Variants in MACROD2 observed in about 807,000 individuals in gnomAD.
The protein encoded by MACROD2 is mono-ADP ribosylhydrolase 2, also known as ADP-ribose glycohydrolase MACROD2.
MACROD2 carries 36 observed loss-of-function variants against 70.4 expected under a neutral mutation model. The ratio of observed to expected loss-of-function variants is 0.51; its 90% CI spans 0.39 to 0.68. The LOEUF (loss-of-function observed/expected upper bound fraction) is 0.68. MACROD2 is among the 30% of genes least tolerant of loss of function. The pLI, the probability that MACROD2 is intolerant of heterozygous loss-of-function variation, is 0.00. For synonymous variants in MACROD2, 172 were observed against 178.8 expected (o/e 0.96, Z 0.30); for missense variants, 496 against 538.4 (o/e 0.92, Z 0.78).
chr20:15,776,656 CT>C (rs2051727089), intron 8 of MACROD2, among the ~76,000 whole-genome samples: 1 of 152,170 alleles, frequency 6.6e-6, no homozygotes, highest in Non-Finnish European at 1.5e-5. Context: ...CAAGAGTGGT[CT>C]CTTTGTAAAC....
chr20:14,380,409 A>G (rs2083410382), intron 3 of MACROD2, among the ~76,000 whole-genome samples: 1 of 151,918 alleles, frequency 6.6e-6, no homozygotes, highest in South Asian at 2.1e-4. Flanking sequence ...AGAGTTTTTA[A>G]TTTTGATGAT....
intron 7 of MACROD2, among the ~76,000 whole-genome samples, chr20:15,465,579 G>A (rs1372097324): frequency 3.3e-5 from 5 of 152,242 alleles, no homozygotes; most frequent in African/African-American, 7.2e-5. Context: ...TGAGGGGAGC[G>A]CCAGCTCAGG....
intron 5 of MACROD2, among the ~76,000 whole-genome samples, chr20:15,163,762 G>A (rs2076364086): frequency 2.0e-5 from 3 of 151,458 alleles, no homozygotes; most frequent in African/African-American, 7.3e-5. Context: ...GAAACCACAT[G>A]TGGTCCACAA....
chr20:14,253,436 G>T (rs7263144), intron 3 of MACROD2, among the ~76,000 whole-genome samples: 55,795 of 151,738 alleles, frequency 0.37, 11,907 homozygotes, highest in African/African-American at 0.56. Context: ...TTTTATCTTC[G>T]CTAAGATATG....
intron 6 of MACROD2, among the ~76,000 whole-genome samples, chr20:15,406,419 C>G (rs1052458230): frequency 5.3e-5 from 8 of 152,122 alleles, no homozygotes; most frequent in Non-Finnish European, 1.0e-4. Flanking sequence ...CACTGACCTT[C>G]TTTAATATGA....
At chr20:15,646,441 C>T (rs534122994) in intron 8 of MACROD2, among the ~76,000 whole-genome samples, 3 of 152,222 alleles carry the variant, frequency 2.0e-5, no homozygotes, top group African/African-American at 4.8e-5. Context: ...TCCTTTAATC[C>T]TTAAAACAAT....
intron 5 of MACROD2, among the ~76,000 whole-genome samples, chr20:15,131,983 G>C (rs995886920): frequency 6.6e-6 from 1 of 151,722 alleles, no homozygotes; most frequent in African/African-American, 2.4e-5. Context: ...CTATATACAA[G>C]AAATAATTCT....
At chr20:15,063,271 A>G (rs1473275229) in intron 5 of MACROD2, among the ~76,000 whole-genome samples, 1 of 108,536 alleles carries the variant, frequency 9.2e-6, no homozygotes, top group African/African-American at 2.6e-5. Context: ...GCTGTCAAGA[A>G]AAAACAAATT....
chr20:14,327,978 T>C (rs2082765944), intron 3 of MACROD2, among the ~76,000 whole-genome samples: 1 of 152,062 alleles, frequency 6.6e-6, no homozygotes, highest in Admixed American at 6.6e-5. Flanking sequence ...GTAATCATTT[T>C]ACTGTTATCA....
intron 5 of MACROD2, among the ~76,000 whole-genome samples, chr20:15,020,999 T>A (rs1406464685): frequency 6.7e-6 from 1 of 148,182 alleles, no homozygotes; most frequent in African/African-American, 2.5e-5. Flanking sequence ...TATATGTATA[T>A]GCATACACAT....
intron 5 of MACROD2, among the ~76,000 whole-genome samples, chr20:15,052,828 G>T (rs1224348232): frequency 1.3e-5 from 2 of 152,316 alleles, no homozygotes; most frequent in Non-Finnish European, 2.9e-5. Flanking sequence ...CAAATGCTAG[G>T]CCTCTTGTGC....
rs150543038 is a variant in MACROD2, at chr20:14,183,828, A to G, written c.271+98100A>G. Among the ~76,000 whole-genome samples the G allele has an allele frequency of 3.9e-3, 600 of 152,228 alleles. 7 individuals are homozygous for G. The highest frequency in any genetic ancestry group is 0.014 in the African/African-American group (569 of 41,534). On this transcript the variant is annotated intron_variant, in intron 3 of 17. Coordinates refer to ENST00000684519, the MANE Select transcript of MACROD2 (RefSeq NM_001351661.2). The stretch of plus-strand genomic sequence containing the variant: ...TTTCATATGATTGTTGGCTGCATAT[A>G]TGTCTTCTTCTGAAAAGTCCTGTTC...
chr20:14,181,707 G>A (rs1429900181), intron 3 of MACROD2, among the ~76,000 whole-genome samples: 2 of 151,764 alleles, frequency 1.3e-5, no homozygotes, highest in Non-Finnish European at 2.9e-5. Flanking sequence ...GCCTCTTCTG[G>A]ACATTTCAGA....
intron 7 of MACROD2, among the ~76,000 whole-genome samples, chr20:15,467,556 A>T (rs893041392): frequency 1.3e-5 from 2 of 152,122 alleles, no homozygotes; most frequent in Admixed American, 1.3e-4. Flanking sequence ...CATTCCAAAT[A>T]TTCTCTGTCT....
chr20:15,007,551 T>C (rs1258916209), intron 5 of MACROD2, among the ~76,000 whole-genome samples: 1 of 152,178 alleles, frequency 6.6e-6, no homozygotes, highest in Admixed American at 6.5e-5. Context: ...CACTCAGGGT[T>C]CAGGTGCAGG....
intron 3 of MACROD2, among the ~76,000 whole-genome samples, chr20:14,097,620 A>G (rs2054246195): frequency 6.6e-6 from 1 of 152,212 alleles, no homozygotes; most frequent in South Asian, 2.1e-4. Flanking sequence ...TAACTCTGAC[A>G]AATTATTTAA....
At chr20:15,456,836 G>A (rs2046733426) in intron 7 of MACROD2, among the ~76,000 whole-genome samples, 1 of 152,022 alleles carries the variant, frequency 6.6e-6, no homozygotes, top group African/African-American at 2.4e-5. Flanking sequence ...TTGTCTCCCG[G>A]CATATTCTAA....
At chr20:15,292,884 T>G (rs1455198731) in intron 6 of MACROD2, among the ~76,000 whole-genome samples, 2 of 152,206 alleles carry the variant, frequency 1.3e-5, no homozygotes, top group Admixed American at 1.3e-4. Context: ...TTTCTTTGCC[T>G]TGTTTATGAA....
intron 3 of MACROD2, among the ~76,000 whole-genome samples, chr20:14,234,332 T>C (rs559319433): frequency 6.6e-6 from 1 of 152,320 alleles, no homozygotes; most frequent in African/African-American, 2.4e-5. Context: ...ACTTAATATT[T>C]GAATTTAAAC....
Sources: allele counts gnomAD v4.1 joint callset (sites outside exome capture counted in the v4.1 genomes callset), GRCh38; gene constraint gnomAD v4.1.1; transcripts MANE v1.5; gene names NCBI Gene and HGNC (gene_info 2026-07-23, HGNC 2026-07-21).